The following RAB3GAP2 variants were observed in gnomAD, a reference collection of about 807,000 sequenced individuals.
RAB3GAP2 encodes rab3 GTPase-activating protein non-catalytic subunit.
A neutral mutation model predicts 185.3 loss-of-function variants in RAB3GAP2; 87 were observed. The observed-to-expected ratio is 0.47, with a 90% confidence interval of 0.39 to 0.56. The LOEUF is 0.56. Ranked by LOEUF, RAB3GAP2 falls within the 20% of genes least tolerant of loss-of-function variation. RAB3GAP2 has a pLI of 0.00. For missense variants in RAB3GAP2, 1,492 were observed against 1,638.2 expected, an observed-to-expected ratio of 0.91 and a Z score of 1.54; for synonymous variants, 554 against 576.1, an observed-to-expected ratio of 0.96 and a Z score of 0.55.
intron 7 of RAB3GAP2, among the ~76,000 whole-genome samples, chr1:220,206,370 A>G (rs1434728977): frequency 6.6e-6 from 1 of 152,224 alleles, no homozygotes; most frequent in East Asian, 1.9e-4. Context: ...ATCCCCAAAT[A>G]TATTCATACA....
intron 1 of RAB3GAP2, among the ~76,000 whole-genome samples, chr1:220,238,588 C>T (rs1659637031): frequency 6.6e-6 from 1 of 152,200 alleles, no homozygotes; most frequent in Non-Finnish European, 1.5e-5. Flanking sequence ...GGCACATAGA[C>T]ACCCTTAATA....
intron 24 of RAB3GAP2, 71 bp from the exon 25 acceptor site, chr1:220,167,746 A>G: frequency 6.8e-7 from 1 of 1,470,838 alleles, no homozygotes; most frequent in South Asian, 1.1e-5. Flanking sequence ...ATGGGAGCCA[A>G]TTTCCTTACG....
At chr1:220,218,645 G>A (rs188732217) in intron 2 of RAB3GAP2, among the ~76,000 whole-genome samples, 3 of 152,038 alleles carry the variant, frequency 2.0e-5, no homozygotes, top group Admixed American at 1.3e-4. Flanking sequence ...TGTAAATGAC[G>A]AGTTAATGGG....
intron 2 of RAB3GAP2, among the ~76,000 whole-genome samples, chr1:220,214,946 T>TTA (rs10526805): frequency 0.081 from 7,232 of 89,422 alleles, 440 homozygotes; most frequent in Non-Finnish European, 0.095. Flanking sequence ...AATAGTAGCA[T>TTA]TATATATATA....
intron 23 of RAB3GAP2, 71 bp downstream of exon 23, chr1:220,171,818 C>G (rs905038986): frequency 1.3e-6 from 2 of 1,598,344 alleles, no homozygotes; most frequent in Non-Finnish European, 8.6e-7. Context: ...CCCGAAAAAC[C>G]CCAGAAAAGG....
At chr1:220,156,524 A>C (rs1015065894) in intron 31 of RAB3GAP2, among the ~76,000 whole-genome samples, 11 of 152,346 alleles carry the variant, frequency 7.2e-5, no homozygotes, top group African/African-American at 2.6e-4. Flanking sequence ...AGCCAAAAAA[A>C]ATCTTAGGTA....
intron 1 of RAB3GAP2, among the ~76,000 whole-genome samples, chr1:220,234,875 G>A (rs1659563578): frequency 1.3e-5 from 2 of 152,346 alleles, no homozygotes; most frequent in South Asian, 2.1e-4. Context: ...AAGATGCAAT[G>A]TATATGACGA....
Position 220,184,182 on chromosome 1 carries a change from A to T in RAB3GAP2, c.1871-19T>A. Reference sequence around the variant, plus strand: ...TCAAGTTCTAAAAGGCAGAAGGAAAAGTATATATAAGAGATATATTTAACA... The same window carrying T: ...TCAAGTTCTAAAAGGCAGAAGGAAATGTATATATAAGAGATATATTTAACA... On this transcript the variant is annotated intron_variant, in intron 18 of 34. Coordinates refer to ENST00000358951, the MANE Select transcript of RAB3GAP2 (RefSeq NM_012414.4). 1 of 1,593,440 alleles carries T rather than the reference A, an allele frequency of 6.3e-7. No homozygotes were observed. Among genetic ancestry groups the T allele is most frequent in the Non-Finnish European group, 8.6e-7 (1 of 1,162,340 alleles).
chr1:220,165,103 C>T (rs935156666), intron 26 of RAB3GAP2, among the ~76,000 whole-genome samples: 2 of 151,028 alleles, frequency 1.3e-5, no homozygotes, highest in Admixed American at 1.3e-4. Context: ...GAATTTCATA[C>T]AGATTTAAAA....
chr1:220,169,491 A>G (rs1194308217), intron 24 of RAB3GAP2, among the ~76,000 whole-genome samples: 2 of 152,218 alleles, frequency 1.3e-5, no homozygotes, highest in Non-Finnish European at 2.9e-5. Flanking sequence ...TTTGAGCTGG[A>G]CCTTGAAAGA....
chr1:220,161,443 C>T (rs76214229), intron 28 of RAB3GAP2, among the ~76,000 whole-genome samples: 1 of 152,266 alleles, frequency 6.6e-6, no homozygotes, highest in African/African-American at 2.4e-5. Context: ...ACTAGTGTCC[C>T]TGGCCACTCA....
At chr1:220,224,197 T>C (rs919392645) in intron 2 of RAB3GAP2, among the ~76,000 whole-genome samples, 1 of 152,166 alleles carries the variant, frequency 6.6e-6, no homozygotes, top group East Asian at 1.9e-4. Context: ...ATGAGGTAAC[T>C]GAACTTAGAA....
rs1381040780 is a variant in RAB3GAP2, at chr1:220,150,457, T to C, written c.*794A>G. 6.6e-6 allele frequency: 1 copy of C among 151,900 alleles called. No homozygotes were observed. Among genetic ancestry groups the C allele is most frequent in the East Asian group, 1.9e-4 (1 of 5,186 alleles). 9.4% of individuals were successfully genotyped at this position (151,900 alleles called of 1,614,324 possible). A position where few individuals can be genotyped will look rare whatever the true frequency, so the allele number is the denominator to read the frequency against. On this transcript the variant is annotated 3_prime_UTR_variant, in exon 35 of 35. Coordinates refer to ENST00000358951, the MANE Select transcript of RAB3GAP2 (RefSeq NM_012414.4). ...AAATTTTTAGTATCTTTGCCTTTTT[T>C]TTTTTTTTTTTTTTACATAAGTTTT... is the stretch of plus-strand genomic sequence containing the variant.
chr1:220,195,413 A>G, intron 10 of RAB3GAP2, 36 bp from the exon 11 acceptor site: 2 of 1,516,718 alleles, frequency 1.3e-6, no homozygotes, highest in South Asian at 1.1e-5. Flanking sequence ...AAAACTTAGT[A>G]GCTTACAAAG....
At chr1:220,213,314 T>C (rs1659117811) in intron 3 of RAB3GAP2, among the ~76,000 whole-genome samples, 2 of 152,150 alleles carry the variant, frequency 1.3e-5, no homozygotes, top group Non-Finnish European at 1.5e-5. Context: ...AGATCTTTGC[T>C]ACTTGAGGGT....
intron 9 of RAB3GAP2, among the ~76,000 whole-genome samples, chr1:220,197,113 G>A (rs369002813): frequency 5.3e-5 from 8 of 151,442 alleles, no homozygotes; most frequent in African/African-American, 1.9e-4. Flanking sequence ...CAGCCTCCCC[G>A]AATGGCTGGG....
intron 1 of RAB3GAP2, among the ~76,000 whole-genome samples, chr1:220,246,300 G>A (rs1659814476): frequency 6.6e-6 from 1 of 151,896 alleles, no homozygotes; most frequent in Admixed American, 6.6e-5. Flanking sequence ...TGGAGAAATA[G>A]GACACTTTTA....
intron 1 of RAB3GAP2, among the ~76,000 whole-genome samples, chr1:220,271,689 G>C (rs1024885628): frequency 1.3e-5 from 2 of 152,098 alleles, no homozygotes; most frequent in Non-Finnish European, 2.9e-5. Flanking sequence ...AAATGCAGAT[G>C]AAAGAAGGGA....
intron 22 of RAB3GAP2, 43 bp downstream of exon 22, chr1:220,172,594 C>G (rs754822338): frequency 2.0e-5 from 27 of 1,378,396 alleles, no homozygotes; most frequent in Non-Finnish European, 2.8e-5. Context: ...TGTGACATTT[C>G]AAACACGAAA....
Sources: gnomAD v4.1 joint callset for allele counts (sites outside exome capture counted in the v4.1 genomes callset) on GRCh38, gnomAD v4.1.1 for gene constraint, MANE v1.5 for transcripts, NCBI Gene and HGNC (gene_info 2026-07-23, HGNC 2026-07-21) for gene names.